The following FILIP1 variants were observed in gnomAD, a reference collection of about 807,000 sequenced individuals.
FILIP1 encodes the protein filamin-A-interacting protein 1.
FILIP1 carries 61 observed loss-of-function variants against 102.1 expected under a neutral mutation model. The observed-to-expected ratio is 0.60, with a 90% CI of 0.49 to 0.74. The LOEUF is 0.74. Ranked by LOEUF, FILIP1 falls within the 30% of genes least tolerant of loss-of-function variation. FILIP1 has a pLI of 0.00. For synonymous variants in FILIP1, 491 were observed against 526.9 expected (o/e 0.93, Z 0.93); for missense variants, 1,314 against 1,441.2 (o/e 0.91, Z 1.43).
At chr6:75,439,880 T>C (rs989084534) in intron 1 of FILIP1, among the ~76,000 whole-genome samples, 46 of 152,218 alleles carry the variant, frequency 3.0e-4, no homozygotes, top group African/African-American at 9.2e-4. Context: ...AATCAGCAAA[T>C]CTTTCCTACT....
intron 4 of FILIP1, among the ~76,000 whole-genome samples, chr6:75,346,577 A>G (rs556137841): frequency 2.5e-4 from 38 of 152,280 alleles, no homozygotes; most frequent in African/African-American, 8.9e-4. Context: ...GATAGTAGGT[A>G]TGTTACTATC....
intron 1 of FILIP1, among the ~76,000 whole-genome samples, chr6:75,423,122 T>C (rs1253190639): frequency 6.6e-6 from 1 of 152,104 alleles, no homozygotes; most frequent in Non-Finnish European, 1.5e-5. Context: ...TTGAGAGCAA[T>C]TATCAAAGCT....
chr6:75,330,838 C>T (rs1774055309), intron 4 of FILIP1, among the ~76,000 whole-genome samples: 1 of 151,888 alleles, frequency 6.6e-6, no homozygotes, highest in African/African-American at 2.4e-5. Context: ...TGATGATGGG[C>T]CTTGGAACTA....
chr6:75,312,780 G>C lies in FILIP1; in HGVS notation c.3052C>G (p.Pro1018Ala). ...QIMTVSTSAA[P>A]AEIAVSPESQ... ...TCGGGAGAAACTGCAATCTCAGCTG[G>C]TGCTGCTGATGTAGACACCGTCATT... Residue 1018 changes from proline to alanine, a missense_variant, in exon 5 of 6, where the codon CCA becomes GCA. Physicochemically the swap from Pro to Ala is conservative, Grantham distance 27 (BLOSUM62 -1). This residue lies in a region of FILIP1 where 816 missense variants were observed against 913.1 expected (regional missense o/e 0.89). Transcript: ENST00000237172. 1 of 1,614,142 alleles carries C rather than the reference G, an allele frequency of 6.2e-7. No individual in the cohort carries two copies. The highest frequency in any genetic ancestry group is 1.1e-5 in the South Asian group (1 of 91,080).
At chr6:75,445,819 A>T (rs1418527669) in intron 1 of FILIP1, among the ~76,000 whole-genome samples, 1 of 151,438 alleles carries the variant, frequency 6.6e-6, no homozygotes, top group Admixed American at 6.6e-5. Flanking sequence ...TTTTTTGAAC[A>T]CATTTTTCCT....
At chr6:75,401,022 A>C (rs1031423422) in intron 2 of FILIP1, among the ~76,000 whole-genome samples, 1 of 152,108 alleles carries the variant, frequency 6.6e-6, no homozygotes, top group African/African-American at 2.4e-5. Flanking sequence ...TTTTTAAAAA[A>C]AAAAATCAGA....
rs567847803 is a variant in FILIP1 at position 75,420,434 on chromosome 6, C to T, written c.-6-5456G>A. Among the ~76,000 whole-genome samples the T allele has an allele frequency of 9.9e-4, 150 of 152,050 alleles. 2 individuals carry two copies. The South Asian group carries it at 0.025, about 25-fold the overall frequency. The stretch of plus-strand genomic sequence containing the variant: ...GGTGATAGATGGTAACCTTTCTTAC[C>T]AACATTTTAATTAAAATCCCCACAT... On this transcript the variant is annotated intron_variant, in intron 1 of 5. Coordinates refer to ENST00000237172, the MANE Select transcript of FILIP1 (RefSeq NM_015687.5).
chr6:75,361,373 A>G (rs1775168671), intron 3 of FILIP1, among the ~76,000 whole-genome samples: 1 of 152,150 alleles, frequency 6.6e-6, no homozygotes, highest in African/African-American at 2.4e-5. Context: ...GAGGGTGGGG[A>G]GTGTCATCCC....
intron 2 of FILIP1, among the ~76,000 whole-genome samples, chr6:75,405,815 CG>C (rs1455234305): frequency 6.6e-6 from 1 of 152,044 alleles, no homozygotes; most frequent in Non-Finnish European, 1.5e-5. Flanking sequence ...AGCAGACAAT[CG>C]GAATGAGTCG....
intron 4 of FILIP1, among the ~76,000 whole-genome samples, chr6:75,336,305 T>G (rs1364974902): frequency 6.6e-6 from 1 of 152,150 alleles, no homozygotes; most frequent in Non-Finnish European, 1.5e-5. Context: ...TTAACTCAGC[T>G]GTATAATAGG....
At position 75,308,915 on chromosome 6, in the gene FILIP1, C is replaced by T. The variant is rs1343158774; in HGVS notation, c.3436-18G>A. ...TGTCCTGACTGTAAGAGAGAAAATA[C>T]GTAGATACAAGGGAGATGTTGGTGA... is the stretch of plus-strand genomic sequence containing the variant. On this transcript the variant is annotated intron_variant, in intron 5 of 5. Transcript: ENST00000237172. 8 of 1,612,958 alleles carry T rather than the reference C, an allele frequency of 5.0e-6. No homozygotes were observed. Among genetic ancestry groups the T allele is most frequent in the Non-Finnish European group, 5.9e-6 (7 of 1,179,386 alleles).
chr6:75,396,532 T>G (rs1349215730), intron 2 of FILIP1, among the ~76,000 whole-genome samples: 2 of 152,122 alleles, frequency 1.3e-5, no homozygotes, highest in Non-Finnish European at 2.9e-5. Context: ...AATTATACCC[T>G]TGTTAGTTGA....
chr6:75,367,763 A>G (rs983407060), intron 2 of FILIP1: 1 of 152,232 alleles, frequency 6.6e-6, no homozygotes, highest in African/African-American at 2.4e-5. Context: ...CAAACAAATG[A>G]TTCAATATAT....
At chr6:75,490,009 T>C (rs1274601811) in intron 1 of FILIP1, among the ~76,000 whole-genome samples, 1 of 152,004 alleles carries the variant, frequency 6.6e-6, no homozygotes, top group Non-Finnish European at 1.5e-5. Flanking sequence ...ATTAGACAAA[T>C]GAATGAAAAT....
At chr6:75,414,663 A>G (rs754627620) in intron 2 of FILIP1, 34 bp downstream of exon 2, 2 of 1,588,054 alleles carry the variant, frequency 1.3e-6, no homozygotes, top group Non-Finnish European at 8.6e-7. Context: ...TAGAAACCAA[A>G]GACACAATAA....
chr6:75,437,992 T>C (rs1778081413), intron 1 of FILIP1, among the ~76,000 whole-genome samples: 1 of 152,234 alleles, frequency 6.6e-6, no homozygotes, highest in Non-Finnish European at 1.5e-5. Flanking sequence ...GACAAGGCCC[T>C]GTGTATCACG....
chr6:75,302,560 G>A (rs142332383), intron 6 of FILIP1, among the ~76,000 whole-genome samples: 94 of 152,144 alleles, frequency 6.2e-4, no homozygotes, highest in African/African-American at 1.7e-3. Flanking sequence ...GGACACATCC[G>A]CCAAAAGAAA....
intron 2 of FILIP1, among the ~76,000 whole-genome samples, chr6:75,409,250 T>C (rs974615145): frequency 6.6e-6 from 1 of 152,230 alleles, no homozygotes; most frequent in African/African-American, 2.4e-5. Flanking sequence ...TCTACATTGC[T>C]GTGCGACTTT....
intron 1 of FILIP1, among the ~76,000 whole-genome samples, chr6:75,436,814 G>C (rs1028013995): frequency 2.6e-5 from 4 of 152,136 alleles, no homozygotes; most frequent in African/African-American, 9.7e-5. Context: ...TGGTAAGCCA[G>C]CTCTCCAGAA....
Sources: gnomAD v4.1 joint callset for allele counts (sites outside exome capture counted in the v4.1 genomes callset) on GRCh38, gnomAD v4.1.1 for gene constraint, gnomAD v4.1.1 regional missense constraint, MANE v1.5 for transcripts, NCBI Gene and HGNC (gene_info 2026-07-23, HGNC 2026-07-21) for gene names.